Variants in ANXA8 observed in about 807,000 individuals in gnomAD.
ANXA8 encodes annexin A8, also known as VAC-beta.
A neutral mutation model predicts 26.8 loss-of-function variants in ANXA8; 9 were observed. That is an observed-to-expected ratio of 0.34 (90% CI 0.20 to 0.59). The LOEUF (loss-of-function observed/expected upper bound fraction) is 0.59. Among genes scored for constraint, ANXA8 ranks in the 20% least tolerant of loss-of-function variants. The pLI is 0.84. For synonymous variants in ANXA8, 39 were observed against 94.8 expected (o/e 0.41, Z 3.42); for missense variants, 83 against 238.5 (o/e 0.35, Z 4.29).
the ANXA8 span, among the ~76,000 whole-genome samples, chr10:47,681,359 C>CT: frequency 1.7e-3 from 225 of 134,356 alleles, 2 homozygotes; most frequent in South Asian, 3.5e-3. Context: ...TAGCAAAGTT[C>CT]TTTTTTTTTT....
the ANXA8 span, among the ~76,000 whole-genome samples, chr10:47,740,885 G>A: frequency 2.7e-5 from 4 of 150,028 alleles, no homozygotes; most frequent in Admixed American, 6.8e-5. Flanking sequence ...GAGATTGTCA[G>A]TTTATTGGAT....
At chr10:47,901,120 C>G in the ANXA8 span, among the ~76,000 whole-genome samples, 1 of 142,554 alleles carries the variant, frequency 7.0e-6, no homozygotes, top group South Asian at 2.3e-4. Flanking sequence ...AATTATCACC[C>G]CAGCCAAGCA....
the ANXA8 span, among the ~76,000 whole-genome samples, chr10:47,957,613 A>G: frequency 6.7e-6 from 1 of 149,578 alleles, no homozygotes; most frequent in East Asian, 2.0e-4. Context: ...AATTGCCACA[A>G]ACTTCATGGT....
intron 4 of ANXA8, among the ~76,000 whole-genome samples, chr10:47,476,876 G>GT (rs1839567020): frequency 7.9e-6 from 1 of 126,678 alleles, no homozygotes. Flanking sequence ...GCCACTCAAC[G>GT]TGTCAATCAG....
At chr10:47,683,289 C>A in the ANXA8 span, among the ~76,000 whole-genome samples, 1 of 132,736 alleles carries the variant, frequency 7.5e-6, no homozygotes, top group African/African-American at 2.9e-5. Flanking sequence ...AGTGCAGTGG[C>A]GCAATCTTGG....
chr10:47,675,845 A>G, the ANXA8 span, among the ~76,000 whole-genome samples: 1 of 151,816 alleles, frequency 6.6e-6, no homozygotes, highest in Non-Finnish European at 1.5e-5. Flanking sequence ...AAAATGCTAG[A>G]TGATTGAATG....
At chr10:47,496,125 G>A in the ANXA8 span, 3 of 151,598 alleles carry the variant, frequency 2.0e-5, no homozygotes, top group Admixed American at 2.0e-4. Flanking sequence ...TGAGGCTGAC[G>A]CTTCTGTGCA....
the ANXA8 span, among the ~76,000 whole-genome samples, chr10:47,693,451 G>A: frequency 1.7e-4 from 26 of 151,504 alleles, no homozygotes; most frequent in South Asian, 4.2e-4. Context: ...CACCGCGCGC[G>A]GCTAATTTTT....
chr10:47,882,227 GT>G, the ANXA8 span, among the ~76,000 whole-genome samples: 2 of 114,428 alleles, frequency 1.7e-5, no homozygotes, highest in Non-Finnish European at 3.8e-5. Flanking sequence ...TTCACTCTCA[GT>G]TTTCTCATCT....
chr10:47,521,535 T>TA, the ANXA8 span, among the ~76,000 whole-genome samples: 1 of 140,878 alleles, frequency 7.1e-6, no homozygotes, highest in Non-Finnish European at 1.5e-5. Context: ...TCCTCTAGAG[T>TA]AATGAAATCT....
chr10:47,690,888 A>T, the ANXA8 span: 1 of 1,611,568 alleles, frequency 6.2e-7, no homozygotes, highest in Non-Finnish European at 8.5e-7. Context: ...CTCTATCTAG[A>T]GTCCTTCAAG....
chr10:47,484,006 G>A lies in ANXA8; in HGVS notation c.-73C>T, dbSNP rs1158301698. On this transcript the variant is annotated 5_prime_UTR_variant, in exon 1 of 12. In the 5' UTR this introduces an upstream ATG that the reference lacks. Transcript: ENST00000585281. Reference sequence around the variant, plus strand: ...GTTGGCCTCTGCTGGGACTCCACACGTCTGGCTCCTGCAGCTGAGGAGTGA... The same window carrying A: ...GTTGGCCTCTGCTGGGACTCCACACATCTGGCTCCTGCAGCTGAGGAGTGA... 63 of 1,611,530 alleles carry A rather than the reference G, an allele frequency of 3.9e-5. No homozygotes were observed. In the Admixed American group the frequency reaches 5.2e-4, roughly 13 times the overall value.
the ANXA8 span, among the ~76,000 whole-genome samples, chr10:47,587,195 C>T: frequency 7.5e-6 from 1 of 132,806 alleles, no homozygotes; most frequent in Non-Finnish European, 1.6e-5. Flanking sequence ...CAGAGGAAGA[C>T]TCTGTCTCAA....
At chr10:47,952,840 T>G in the ANXA8 span, among the ~76,000 whole-genome samples, 1 of 149,134 alleles carries the variant, frequency 6.7e-6, no homozygotes, top group Non-Finnish European at 1.5e-5. Context: ...ATACATAATA[T>G]GTTGATTCCT....
the ANXA8 span, among the ~76,000 whole-genome samples, chr10:47,553,978 T>C: frequency 9.4e-5 from 14 of 148,900 alleles, no homozygotes; most frequent in Non-Finnish European, 1.8e-4. Context: ...GGGTGCCCTA[T>C]AGCCCTCTTT....
At chr10:47,743,325 T>A in the ANXA8 span, among the ~76,000 whole-genome samples, 1 of 42,356 alleles carries the variant, frequency 2.4e-5, no homozygotes, top group Non-Finnish European at 5.7e-5. Flanking sequence ...CATATATATA[T>A]ATACATATAT....
the ANXA8 span, among the ~76,000 whole-genome samples, chr10:47,695,962 T>A: frequency 6.6e-6 from 1 of 151,800 alleles, no homozygotes; most frequent in African/African-American, 2.4e-5. Flanking sequence ...ATCAAGTATG[T>A]TAAGAATGCC....
the ANXA8 span, among the ~76,000 whole-genome samples, chr10:47,663,437 G>A: frequency 3.6e-5 from 5 of 138,482 alleles, 1 homozygote; most frequent in African/African-American, 1.6e-4. Context: ...ACTAGGCTGA[G>A]TGCAATGACA....
At chr10:47,937,217 G>C in the ANXA8 span, among the ~76,000 whole-genome samples, 4 of 149,642 alleles carry the variant, frequency 2.7e-5, no homozygotes, top group Non-Finnish European at 6.0e-5. Flanking sequence ...GAGGTGCCTG[G>C]GCCCCACAGA....
Sources: allele counts gnomAD v4.1 joint callset (sites outside exome capture counted in the v4.1 genomes callset), GRCh38; gene constraint gnomAD v4.1.1; transcripts MANE v1.5; gene names NCBI Gene and HGNC (gene_info 2026-07-23, HGNC 2026-07-21).